The following ROBO2 variants were observed in gnomAD, a reference collection of about 807,000 sequenced individuals.
ROBO2 encodes the protein roundabout homolog 2.
Under a neutral mutation model 160.8 loss-of-function variants are expected in ROBO2, and 53 were observed. The ratio of observed to expected loss-of-function variants is 0.33; its 90% CI spans 0.26 to 0.41. The LOEUF is 0.41. Among genes scored for constraint, ROBO2 ranks in the 10% least tolerant of loss-of-function variants. The pLI is 1.00. For synonymous variants in ROBO2, 664 were observed against 611.7 expected (o/e 1.09, Z -1.26); for missense variants, 1,577 against 1,722.4 (o/e 0.92, Z 1.49).
At chr3:76,963,836 C>CAAA (rs11407644) in intron 2 of ROBO2, among the ~76,000 whole-genome samples, 192 of 106,162 alleles carry the variant, frequency 1.8e-3, no homozygotes, top group African/African-American at 2.7e-3. Context: ...TGAGGAACTG[C>CAAA]AAAAAAAAAA....
At chr3:76,654,951 C>A (rs2091436007) in intron 2 of ROBO2, among the ~76,000 whole-genome samples, 1 of 132,720 alleles carries the variant, frequency 7.5e-6, no homozygotes, top group Middle Eastern at 4.2e-3. Flanking sequence ...ATTTAAAGTT[C>A]AAATTTGAAG....
intron 1 of ROBO2, among the ~76,000 whole-genome samples, chr3:77,071,996 T>A (rs2067470394): frequency 6.6e-6 from 1 of 152,102 alleles, no homozygotes. Flanking sequence ...CACAGCAGGA[T>A]GTGAGCGGTG....
intron 2 of ROBO2, among the ~76,000 whole-genome samples, chr3:77,030,186 CG>C (rs138477892): frequency 0.22 from 33,580 of 152,024 alleles, 5,675 homozygotes; most frequent in African/African-American, 0.47. Flanking sequence ...CCTCGTGATC[CG>C]CCTGCCTCGG....
At chr3:76,483,706 C>T (rs1273212950) in intron 2 of ROBO2, among the ~76,000 whole-genome samples, 1 of 152,010 alleles carries the variant, frequency 6.6e-6, no homozygotes, top group East Asian at 1.9e-4. Context: ...TCCTGATCCT[C>T]CCCCTCCTCC....
At chr3:76,704,799 G>A (rs909745936) in intron 2 of ROBO2, among the ~76,000 whole-genome samples, 6 of 152,112 alleles carry the variant, frequency 3.9e-5, no homozygotes, top group Middle Eastern at 6.8e-3. Flanking sequence ...AGCTAAGCAG[G>A]GCTCTCTAGA....
At chr3:76,189,887 GT>G (rs1701929489) in intron 2 of ROBO2, among the ~76,000 whole-genome samples, 1 of 152,032 alleles carries the variant, frequency 6.6e-6, no homozygotes, top group East Asian at 1.9e-4. Flanking sequence ...AGGATCACTT[GT>G]CTAAAGGCAT....
At chr3:76,013,401 G>A (rs112723368) in intron 2 of ROBO2, among the ~76,000 whole-genome samples, 2 of 149,420 alleles carry the variant, frequency 1.3e-5, no homozygotes, top group Non-Finnish European at 3.0e-5. Flanking sequence ...GACTGGGCAC[G>A]GTGGCTTATG....
At chr3:77,116,308 T>C (rs2074192083) in intron 2 of ROBO2, among the ~76,000 whole-genome samples, 2 of 152,234 alleles carry the variant, frequency 1.3e-5, no homozygotes, top group Admixed American at 1.3e-4. Flanking sequence ...TTTTATCTCA[T>C]TAACTGTGAT....
chr3:76,207,863 C>A (rs1451172471), intron 2 of ROBO2, among the ~76,000 whole-genome samples: 2 of 152,140 alleles, frequency 1.3e-5, no homozygotes, highest in African/African-American at 4.8e-5. Context: ...TGTCCCCACC[C>A]AAATCTCAGG....
At chr3:76,574,486 G>A (rs1325925668) in intron 2 of ROBO2, among the ~76,000 whole-genome samples, 1 of 152,054 alleles carries the variant, frequency 6.6e-6, no homozygotes, top group East Asian at 1.9e-4. Context: ...TCCCTTTAGA[G>A]CTTTAAGTTT....
intron 2 of ROBO2, among the ~76,000 whole-genome samples, chr3:77,320,784 G>T (rs141737322): frequency 1.1e-4 from 16 of 152,050 alleles, no homozygotes; most frequent in Non-Finnish European, 2.1e-4. Flanking sequence ...GACTACAAGC[G>T]ATTTAAAAAA....
intron 2 of ROBO2, among the ~76,000 whole-genome samples, chr3:76,869,410 C>A (rs896187448): frequency 8.2e-6 from 1 of 121,310 alleles, no homozygotes; most frequent in Non-Finnish European, 1.6e-5. Flanking sequence ...AGTGCAGTGG[C>A]GCGATCTCGG....
intron 2 of ROBO2, among the ~76,000 whole-genome samples, chr3:76,390,190 C>G (rs1001969741): frequency 6.6e-6 from 1 of 152,096 alleles, no homozygotes; most frequent in Non-Finnish European, 1.5e-5. Context: ...CACCCTCCCC[C>G]ACAAAAAGAA....
chr3:77,515,302 G>A (rs1561048437), intron 5 of ROBO2, among the ~76,000 whole-genome samples: 1 of 151,642 alleles, frequency 6.6e-6, no homozygotes, highest in Non-Finnish European at 1.5e-5. Context: ...AGTAGTGTCT[G>A]CATGGTGTAC....
At chr3:77,367,905 A>G (rs1165844046) in intron 2 of ROBO2, among the ~76,000 whole-genome samples, 2 of 151,976 alleles carry the variant, frequency 1.3e-5, no homozygotes, top group Non-Finnish European at 2.9e-5. Context: ...GGAAAGGGAA[A>G]ATTAGTTTTC....
intron 2 of ROBO2, among the ~76,000 whole-genome samples, chr3:76,535,348 G>A (rs759962287): frequency 2.0e-5 from 3 of 152,046 alleles, no homozygotes; most frequent in South Asian, 4.1e-4. Context: ...TGTAACAGGC[G>A]AATGATAACA....
intron 2 of ROBO2, among the ~76,000 whole-genome samples, chr3:76,180,444 C>G (rs1701451649): frequency 2.0e-5 from 3 of 152,122 alleles, no homozygotes. Flanking sequence ...TCACTCACCC[C>G]AAATTTGTGC....
rs772792007 is a variant in ROBO2, at chr3:77,617,553, A to G, written c.3334A>G (p.Thr1112Ala). The stretch of plus-strand genomic sequence containing the variant: ...CTGGTGCCCACCATTGCCAGTACAA[A>G]CTTACTTACACCAAGGTCTGGAAGA... Residue 1112 changes from threonine (T) to alanine (A), a missense_variant, in exon 22 of 26, where the codon ACT (threonine) becomes GCT (alanine). By Grantham distance (58) the Thr-to-Ala change is moderately conservative (BLOSUM62 0). Around this residue, in one of 2 missense-constraint regions of ROBO2, gnomAD observed 637 missense variants for 586.9 expected, o/e 1.09. Transcript: ENST00000461745. The G allele has an allele frequency of 1.9e-6, 3 of 1,614,162 alleles. No individual in the cohort carries two copies. The Admixed American group carries it at 5.0e-5, about 27-fold the overall frequency.
intron 2 of ROBO2, among the ~76,000 whole-genome samples, chr3:76,529,473 A>G (rs889488755): frequency 6.6e-6 from 1 of 152,176 alleles, no homozygotes; most frequent in African/African-American, 2.4e-5. Flanking sequence ...AATGATGACA[A>G]TAAGAATAAC....
Sources: gnomAD v4.1 joint callset for allele counts (sites outside exome capture counted in the v4.1 genomes callset) on GRCh38, gnomAD v4.1.1 for gene constraint, gnomAD v4.1.1 regional missense constraint, MANE v1.5 for transcripts, NCBI Gene and HGNC (gene_info 2026-07-23, HGNC 2026-07-21) for gene names.